The following CDK5RAP2 variants were observed in gnomAD, a reference collection of about 807,000 sequenced individuals.
CDK5RAP2 encodes the protein CDK5 regulatory subunit associated protein 2, also known as CDK5 regulatory subunit-associated protein 2.
Under a neutral mutation model 232.9 loss-of-function variants are expected in CDK5RAP2, and 147 were observed. That is an observed-to-expected ratio of 0.63 (90% confidence interval 0.55 to 0.72). The LOEUF (loss-of-function observed/expected upper bound fraction) is 0.72, where lower values mean the gene tolerates loss of function less well. Among genes scored for constraint, CDK5RAP2 ranks in the 30% least tolerant of loss-of-function variants. The pLI, the probability that CDK5RAP2 is intolerant of heterozygous loss-of-function variation, is 0.00. For synonymous variants in CDK5RAP2, 833 were observed against 833.7 expected (o/e 1.00, Z 0.01); for missense variants, 2,195 against 2,231.5 (o/e 0.98, Z 0.33).
intron 34 of CDK5RAP2, 170 bp from the exon 35 acceptor site, chr9:120,401,055 G>A (rs1035531088): frequency 9.2e-6 from 6 of 654,734 alleles, no homozygotes; most frequent in Non-Finnish European, 1.3e-5. Context: ...CTGGTGAATT[G>A]TAGATTATGA....
At chr9:120,442,600 A>G (rs2035962148) in intron 23 of CDK5RAP2, among the ~76,000 whole-genome samples, 1 of 152,266 alleles carries the variant, frequency 6.6e-6, no homozygotes, top group Admixed American at 6.5e-5. Flanking sequence ...TCGATTAGTT[A>G]AGAAGTCTGT....
intron 14 of CDK5RAP2, among the ~76,000 whole-genome samples, chr9:120,479,102 T>G (rs1588444410): frequency 6.6e-6 from 1 of 152,180 alleles, no homozygotes; most frequent in Non-Finnish European, 1.5e-5. Context: ...CTGGGATGAT[T>G]TGAGCATTGA....
intron 18 of CDK5RAP2, chr9:120,460,888 A>T: frequency 1.4e-6 from 1 of 694,346 alleles, no homozygotes; most frequent in Non-Finnish European, 2.3e-6. Flanking sequence ...AGCATAATTT[A>T]AGGACAAATT....
chr9:120,553,888 A>G (rs532098635), intron 3 of CDK5RAP2, among the ~76,000 whole-genome samples: 1 of 152,284 alleles, frequency 6.6e-6, no homozygotes, highest in East Asian at 1.9e-4. Flanking sequence ...AAGCCTCCCA[A>G]AGTGCTGGGA....
In CDK5RAP2 at chr9:120,550,879, T is replaced by C; in HGVS notation, c.219A>G (p.Glu73=). The C allele has an allele frequency of 6.2e-7, 1 of 1,611,884 alleles. No individual in the cohort carries two copies. ...FENQITELKK[E]NFNLKLRIYF... ...AGATGCGGAGCTTTAGGTTAAAGTTTTCTTTCTTCAATTCAGTGATTTGCT... is the reference window on the plus strand; with the variant it reads ...AGATGCGGAGCTTTAGGTTAAAGTTCTCTTTCTTCAATTCAGTGATTTGCT... The change falls in exon 4 of 38, where the codon GAA becomes GAG. Residue 73 remains glutamate, a synonymous_variant. Transcript: ENST00000349780.
At chr9:120,563,542 T>TA (rs1257964738) in intron 3 of CDK5RAP2, among the ~76,000 whole-genome samples, 2 of 152,190 alleles carry the variant, frequency 1.3e-5, no homozygotes, top group African/African-American at 4.8e-5. Flanking sequence ...AGCATCATGC[T>TA]AGGTGCTTTC....
At chr9:120,507,922 AAAAAAAAAAAAAAAAAAAAAAT>A (rs1463904333) in intron 12 of CDK5RAP2, among the ~76,000 whole-genome samples, 2 of 65,352 alleles carry the variant, frequency 3.1e-5, no homozygotes, top group African/African-American at 4.6e-5. Flanking sequence ...AAAAAAAAAA[AAAAAAAAAAAAAAAAAAAAAAT>A]ATATATATAT....
chr9:120,442,244 C>T (rs1243868549), intron 23 of CDK5RAP2, among the ~76,000 whole-genome samples: 1 of 152,174 alleles, frequency 6.6e-6, no homozygotes, highest in Non-Finnish European at 1.5e-5. Context: ...CAAAGCCTGG[C>T]AGTCTGCCTC....
In CDK5RAP2 at chr9:120,408,450, C is replaced by T. The variant is rs775398273; in HGVS notation, c.4623G>A (p.Lys1541=). ...QELSRVQEEV[K]LRQQLLSQND... Reference sequence around the variant, plus strand: ...TCTGTGAGAGCAGCTGCTGCCTCAACTTCACCTCCTCCTGCACCCTGAGAA... The same window carrying T: ...TCTGTGAGAGCAGCTGCTGCCTCAATTTCACCTCCTCCTGCACCCTGAGAA... The change falls in exon 31 of 38, where the codon AAG becomes AAA. Residue 1541 remains lysine (K), a synonymous_variant. Coordinates refer to ENST00000349780, the MANE Select transcript of CDK5RAP2 (RefSeq NM_018249.6). The T allele has an allele frequency of 8.1e-6, 13 of 1,614,134 alleles. No homozygotes were observed. Among genetic ancestry groups the T allele is most frequent in the South Asian group, 1.1e-5 (1 of 91,086 alleles).
intron 13 of CDK5RAP2, among the ~76,000 whole-genome samples, chr9:120,488,114 T>C (rs980968790): frequency 6.6e-6 from 1 of 152,190 alleles, no homozygotes; most frequent in African/African-American, 2.4e-5. Context: ...AATCTATTCC[T>C]AACTATTTAA....
intron 2 of CDK5RAP2, 76 bp from the exon 3 acceptor site, chr9:120,568,464 G>T: frequency 3.8e-6 from 4 of 1,055,998 alleles, no homozygotes; most frequent in Non-Finnish European, 6.0e-6. Context: ...ATAGAGCACA[G>T]AGAGGAAAAC....
At chr9:120,435,112 C>T (rs552924213) in intron 25 of CDK5RAP2, among the ~76,000 whole-genome samples, 18 of 152,084 alleles carry the variant, frequency 1.2e-4, no homozygotes, top group Middle Eastern at 3.4e-3. Flanking sequence ...AAATGACTAA[C>T]CCAACAACAG....
chr9:120,455,874 A>C (rs76128767), intron 20 of CDK5RAP2, among the ~76,000 whole-genome samples: 67 of 152,328 alleles, frequency 4.4e-4, no homozygotes, highest in African/African-American at 1.4e-3. Flanking sequence ...ACACCTAAAA[A>C]ATAGTGTAAG....
chr9:120,473,416 C>T (rs900612778), intron 15 of CDK5RAP2, among the ~76,000 whole-genome samples: 4 of 152,180 alleles, frequency 2.6e-5, no homozygotes, highest in Admixed American at 6.5e-5. Flanking sequence ...GGATCAATAG[C>T]CCCCGAATGG....
In CDK5RAP2 at chr9:120,553,732, C is replaced by T. The variant is rs184873999; in HGVS notation, c.196-2830G>A. Among the ~76,000 whole-genome samples, 583 of 152,198 alleles carry T rather than the reference C, an allele frequency of 3.8e-3. 8 individuals carry two copies. Among genetic ancestry groups the T allele is most frequent in the African/African-American group, 0.013 (545 of 41,524 alleles). On this transcript the variant is annotated intron_variant, in intron 3 of 37. Transcript: ENST00000349780. ...CACATATGATTTGTGGGTATGCCTG[C>T]ATGTATGTTACATTTCTTTTAAAGT... is the stretch of plus-strand genomic sequence containing the variant.
At chr9:120,462,901 G>C (rs2055872253) in intron 18 of CDK5RAP2, among the ~76,000 whole-genome samples, 2 of 152,212 alleles carry the variant, frequency 1.3e-5, no homozygotes, top group African/African-American at 4.8e-5. Flanking sequence ...GTACTTGGGG[G>C]AAGTATACTG....
At chr9:120,569,125 G>A (rs767658325) in intron 2 of CDK5RAP2, among the ~76,000 whole-genome samples, 1 of 152,198 alleles carries the variant, frequency 6.6e-6, no homozygotes, top group Non-Finnish European at 1.5e-5. Flanking sequence ...CGAGTGAGCA[G>A]GATGGAGATC....
At chr9:120,469,610 TA>T (rs1437054184) in intron 17 of CDK5RAP2, among the ~76,000 whole-genome samples, 2 of 152,118 alleles carry the variant, frequency 1.3e-5, no homozygotes, top group Non-Finnish European at 2.9e-5. Context: ...CTTTCCAGTT[TA>T]AAAAAAGATT....
chr9:120,425,605 C>T (rs2034844471), intron 25 of CDK5RAP2, among the ~76,000 whole-genome samples: 1 of 152,224 alleles, frequency 6.6e-6, no homozygotes, highest in African/African-American at 2.4e-5. Context: ...CTTCACTTTC[C>T]TCTCTGCACT....
Sources: allele counts gnomAD v4.1 joint callset (sites outside exome capture counted in the v4.1 genomes callset), GRCh38; gene constraint gnomAD v4.1.1; transcripts MANE v1.5; gene names NCBI Gene and HGNC (gene_info 2026-07-23, HGNC 2026-07-21).